PCDH11Y: variants seen among roughly 807,000 people sequenced by gnomAD.
PCDH11Y encodes protocadherin 11 Y-linked.
For synonymous variants in PCDH11Y, 9 were observed against 83.6 expected (o/e 0.11, Z 4.87); for missense variants, 12 against 224.8 (o/e 0.05, Z 6.05).
intron 3 of PCDH11Y, among the ~76,000 whole-genome samples, chrY:5,522,485 G>T (rs1453053248): frequency 6.8e-4 from 22 of 32,510 alleles, no homozygotes; most frequent in Non-Finnish European, 1.6e-3. Context: ...GGACCCATTT[G>T]TGAGAAGCTC....
At chrY:5,467,230 A>G in intron 2 of PCDH11Y, among the ~76,000 whole-genome samples, 1 of 31,296 alleles carries the variant, frequency 3.2e-5, no homozygotes, top group African/African-American at 1.2e-4. Flanking sequence ...TAGATATTTC[A>G]TGTTCTATAT....
At chrY:5,040,783 A>G in intron 3 of PCDH11Y, among the ~76,000 whole-genome samples, 2 of 31,896 alleles carry the variant, frequency 6.3e-5, no homozygotes, top group Admixed American at 5.9e-4. Flanking sequence ...AAATTAATTT[A>G]AATATTTTAC....
At chrY:5,071,491 T>G (rs2052699544) in intron 1 of PCDH11Y, among the ~76,000 whole-genome samples, 50 of 31,885 alleles carry the variant, frequency 1.6e-3, no homozygotes, top group African/African-American at 6.0e-3. Context: ...CTGTTATTAG[T>G]AAACTCCCCT....
intron 2 of PCDH11Y, among the ~76,000 whole-genome samples, chrY:5,351,558 A>G: frequency 3.3e-5 from 1 of 30,542 alleles, no homozygotes; most frequent in East Asian, 8.5e-4. Flanking sequence ...TGTTTGATTC[A>G]GTTGTAATTC....
chrY:5,523,476 T>C, intron 3 of PCDH11Y, among the ~76,000 whole-genome samples: 1 of 32,703 alleles, frequency 3.1e-5, no homozygotes, highest in Non-Finnish European at 7.5e-5. Flanking sequence ...CCCCTTATCA[T>C]TGTCATTGAG....
intron 3 of PCDH11Y, among the ~76,000 whole-genome samples, chrY:5,578,261 A>C: frequency 2.9e-5 from 1 of 33,939 alleles, no homozygotes; most frequent in Non-Finnish European, 7.3e-5. Flanking sequence ...ATCAAGAAGA[A>C]TTGAATCTTT....
At chrY:5,348,992 G>A in intron 2 of PCDH11Y, among the ~76,000 whole-genome samples, 2 of 32,026 alleles carry the variant, frequency 6.2e-5, no homozygotes, top group African/African-American at 2.5e-4. Context: ...GCTCGACGTG[G>A]TGGTGCATAC....
intron 4 of PCDH11Y, among the ~76,000 whole-genome samples, chrY:5,666,068 C>A (rs2053544491): frequency 1.5e-3 from 49 of 33,776 alleles, no homozygotes; most frequent in African/African-American, 5.6e-3. Flanking sequence ...GGGTCTATGT[C>A]TGCAGGGGCA....
intron 2 of PCDH11Y, among the ~76,000 whole-genome samples, chrY:5,350,429 G>T: frequency 6.5e-5 from 2 of 30,913 alleles, no homozygotes; most frequent in African/African-American, 2.6e-4. Flanking sequence ...CTTGAGGCTG[G>T]GTGCGGTGTC....
chrY:5,195,198 T>G (rs2052917480), intron 2 of PCDH11Y, among the ~76,000 whole-genome samples: 1 of 33,682 alleles, frequency 3.0e-5, no homozygotes, highest in Admixed American at 2.7e-4. Context: ...AAGTTCCTAG[T>G]GCAGCACCTC....
chrY:5,309,515 G>GA (rs1556400934), intron 2 of PCDH11Y, among the ~76,000 whole-genome samples: 4 of 31,600 alleles, frequency 1.3e-4, no homozygotes, highest in South Asian at 6.8e-4. Flanking sequence ...AAAACTGTTG[G>GA]AAAAAAAAAT....
chrY:5,708,815 C>G, intron 4 of PCDH11Y, among the ~76,000 whole-genome samples: 1 of 32,509 alleles, frequency 3.1e-5, no homozygotes, highest in South Asian at 7.0e-4. Context: ...TTAATTATTC[C>G]TGGGCTATTA....
intron 2 of PCDH11Y, among the ~76,000 whole-genome samples, chrY:5,376,855 T>C: frequency 3.4e-5 from 1 of 29,005 alleles, no homozygotes; most frequent in Non-Finnish European, 8.1e-5. Flanking sequence ...TTTTAAACAT[T>C]GTAGATCTAA....
chrY:5,116,408 TTCA>T (rs1184070760), intron 2 of PCDH11Y, among the ~76,000 whole-genome samples: 168 of 33,832 alleles, frequency 5.0e-3, no homozygotes, highest in Middle Eastern at 0.027. Context: ...GACTATTTTC[TTCA>T]GTGCACATAC....
At chrY:5,271,215 AAAATAGTACTAT>A (rs2053035651) in intron 2 of PCDH11Y, among the ~76,000 whole-genome samples, 1 of 32,969 alleles carries the variant, frequency 3.0e-5, no homozygotes, top group African/African-American at 1.2e-4. Context: ...GGTGCCAAGG[AAAATAGTACTAT>A]TTTTTTTTTT....
At chrY:5,125,764 T>C in intron 2 of PCDH11Y, among the ~76,000 whole-genome samples, 5 of 33,617 alleles carry the variant, frequency 1.5e-4, no homozygotes, top group African/African-American at 2.3e-4. Context: ...TGTGTGTGTG[T>C]GCACGCATGT....
chrY:5,492,659 C>A, intron 2 of PCDH11Y, among the ~76,000 whole-genome samples: 1 of 24,831 alleles, frequency 4.0e-5, no homozygotes, highest in Non-Finnish European at 9.2e-5. Context: ...TAGTTGATTA[C>A]AATTCCTCCC....
intron 1 of PCDH11Y, among the ~76,000 whole-genome samples, chrY:5,009,325 C>A: frequency 3.0e-5 from 1 of 33,101 alleles, no homozygotes; most frequent in Non-Finnish European, 7.4e-5. Flanking sequence ...ATTAAAAGCA[C>A]CTGTATTGTG....
At chrY:5,707,432 A>G (rs2053583773) in intron 4 of PCDH11Y, among the ~76,000 whole-genome samples, 1 of 28,776 alleles carries the variant, frequency 3.5e-5, no homozygotes. Flanking sequence ...GTGTGTGTGT[A>G]TATATATATA....
Sources: allele counts gnomAD v4.1 joint callset (sites outside exome capture counted in the v4.1 genomes callset), GRCh38; gene constraint gnomAD v4.1.1; transcripts MANE v1.5; gene names NCBI Gene and HGNC (gene_info 2026-07-23, HGNC 2026-07-21).